The following QRFPR variants were observed in gnomAD, a reference collection of about 807,000 sequenced individuals.
QRFPR encodes pyroglutamylated RF-amide peptide receptor.
A neutral mutation model predicts 31.3 loss-of-function variants in QRFPR; 37 were observed. That is an observed-to-expected ratio of 1.18 (90% CI 0.91 to 1.56). The LOEUF is 1.56. QRFPR is among the 40% of genes most tolerant of loss of function. The pLI is 0.00. For synonymous variants in QRFPR, 197 were observed against 192.0 expected (o/e 1.03, Z -0.22); for missense variants, 542 against 532.5 (o/e 1.02, Z -0.18).
chr4:121,341,439 C>G (rs1725541663), intron 1 of QRFPR, among the ~76,000 whole-genome samples: 1 of 152,144 alleles, frequency 6.6e-6, no homozygotes. Flanking sequence ...CAGAAATTCT[C>G]TCTTCAACTT....
At chr4:121,332,257 T>G (rs1417144580) in intron 4 of QRFPR, among the ~76,000 whole-genome samples, 2 of 152,228 alleles carry the variant, frequency 1.3e-5, no homozygotes, top group East Asian at 3.8e-4. Context: ...AGTCATGTTT[T>G]AAAATTTCTA....
chr4:121,345,556 G>A (rs1483170211), intron 1 of QRFPR, among the ~76,000 whole-genome samples: 3 of 152,144 alleles, frequency 2.0e-5, no homozygotes, highest in African/African-American at 4.8e-5. Flanking sequence ...TATAAGATTA[G>A]ACAGTCCCCA....
At chr4:121,368,635 G>T (rs902728251) in intron 1 of QRFPR, among the ~76,000 whole-genome samples, 1 of 149,938 alleles carries the variant, frequency 6.7e-6, no homozygotes, top group Non-Finnish European at 1.5e-5. Flanking sequence ...CCTATACCCA[G>T]GTCCCAAACA....
chr4:121,329,656 T>A lies in QRFPR; in HGVS notation c.954A>T (p.Gln318His), dbSNP rs1560731156. ...AGATGGAGTTGGAAAATCCAATAATTTGCACGATAGCAAAAATCATCTTGA... is the reference window on the plus strand; with the variant it reads ...AGATGGAGTTGGAAAATCCAATAATATGCACGATAGCAAAAATCATCTTGA... ...VTIKMIFAIV[Q>H]IIGFSNSICN... Residue 318 changes from glutamine to histidine, a missense_variant, in exon 6 of 6, where the codon CAA (glutamine) becomes CAT (histidine). Physicochemically the swap from Gln to His is conservative, Grantham distance 24. Transcript: ENST00000394427. The A allele has an allele frequency of 6.3e-7, 1 of 1,585,842 alleles. No homozygotes were observed. Among genetic ancestry groups the A allele is most frequent in the Non-Finnish European group, 8.6e-7 (1 of 1,166,958 alleles).
At chr4:121,379,464 T>C (rs1726425617) in intron 1 of QRFPR, among the ~76,000 whole-genome samples, 1 of 152,226 alleles carries the variant, frequency 6.6e-6, no homozygotes, top group South Asian at 2.1e-4. Flanking sequence ...CCTTAAGCAC[T>C]GGTGAGAATA....
In QRFPR at chr4:121,330,522, T is replaced by C. The variant is rs1160949693; in HGVS notation, c.799A>G (p.Lys267Glu). The C allele has an allele frequency of 2.2e-5, 36 of 1,612,506 alleles. No homozygotes were observed. The highest frequency in any genetic ancestry group is 3.0e-5 in the Non-Finnish European group (35 of 1,178,704). Residue 267 changes from lysine (K) to glutamate (E), a missense_variant and splice_region_variant, in exon 5 of 6, where the codon AAG becomes GAG. Coordinates refer to ENST00000394427, the MANE Select transcript of QRFPR (RefSeq NM_198179.3). ...HGKEMSKIAR[K>E]KKRAVIMMVT... is the part of the protein sequence containing the mutation. ...ATCATAATGACAGCTCGTTTCTTCT[T>C]CCTAAACCCACAAGGAAACATTGTA...
At chr4:121,380,200 A>AGG (rs1726453026) in intron 1 of QRFPR, 108 bp downstream of exon 1, 4 of 169,996 alleles carry the variant, frequency 2.4e-5, no homozygotes, top group South Asian at 6.9e-5. Flanking sequence ...AGAGAGAGAG[A>AGG]GAGAGAGAGA....
Position 121,336,873 on chromosome 4 carries a change from A to G in QRFPR, c.500-5T>C, listed in dbSNP as rs756043256. On this transcript the variant is annotated splice_region_variant and splice_polypyrimidine_tract_variant and intron_variant, in intron 2 of 5. Coordinates refer to ENST00000394427, the MANE Select transcript of QRFPR (RefSeq NM_198179.3). ...CTGCCACCAGCCAGACCACACCTGT[A>G]AAAGTGTTAAAGTCATGAGAGTATG... 3.1e-6 allele frequency: 5 copies of G among 1,613,730 alleles called. No homozygotes were observed. In the Admixed American group the frequency reaches 8.3e-5, roughly 27 times the overall value.
chr4:121,330,629 T>C, intron 4 of QRFPR, 106 bp from the exon 5 acceptor site: 2 of 780,288 alleles, frequency 2.6e-6, no homozygotes, highest in Non-Finnish European at 4.3e-6. Flanking sequence ...AAACATAATT[T>C]TTAAATTAAG....
At chr4:121,330,653 A>G (rs1348159057) in intron 4 of QRFPR, 130 bp from the exon 5 acceptor site, 5 of 642,038 alleles carry the variant, frequency 7.8e-6, no homozygotes, top group Admixed American at 2.6e-5. Flanking sequence ...ACGATAGGTT[A>G]TTCGTGGGCT....
chr4:121,380,323 C>A lies in QRFPR; in HGVS notation c.325G>T (p.Asp109Tyr). The change falls in exon 1 of 6, where the codon GAC becomes TAC. Residue 109 changes from aspartate to tyrosine, a missense_variant. Coordinates refer to ENST00000394427, the MANE Select transcript of QRFPR (RefSeq NM_198179.3). ...CGACTCTTACCCCCCAGCCAGTTGTCGGAAATGTTCTGGAGCATGGTGACG... is the reference window on the plus strand; with the variant it reads ...CGACTCTTACCCCCCAGCCAGTTGTAGGAAATGTTCTGGAGCATGGTGACG... The part of the protein sequence containing the change: ...IPVTMLQNIS[D>Y]NWLGGAFICK... 1.2e-6 allele frequency: 2 copies of A among 1,612,172 alleles called. No homozygotes were observed. Among genetic ancestry groups the A allele is most frequent in the African/African-American group, 2.7e-5 (2 of 74,710 alleles).
intron 1 of QRFPR, among the ~76,000 whole-genome samples, chr4:121,357,519 C>T (rs1024767395): frequency 6.6e-6 from 1 of 152,180 alleles, no homozygotes; most frequent in Non-Finnish European, 1.5e-5. Context: ...CGCTCAAAGG[C>T]AGATATTCAG....
At chr4:121,369,991 T>C (rs1454553478) in intron 1 of QRFPR, 6 of 766,134 alleles carry the variant, frequency 7.8e-6, no homozygotes, top group Middle Eastern at 3.6e-4. Context: ...CCCAAAATGC[T>C]GAAAGCTTTC....
intron 1 of QRFPR, among the ~76,000 whole-genome samples, chr4:121,375,618 T>C (rs894300603): frequency 6.6e-5 from 10 of 152,324 alleles, no homozygotes; most frequent in Middle Eastern, 3.4e-3. Flanking sequence ...TGAAAGACCA[T>C]GGCTTATGAT....
intron 4 of QRFPR, among the ~76,000 whole-genome samples, chr4:121,332,306 A>G (rs1725342448): frequency 6.6e-6 from 1 of 152,224 alleles, no homozygotes; most frequent in African/African-American, 2.4e-5. Context: ...CTTAGGTAAA[A>G]ATAACTCAAT....
intron 1 of QRFPR, among the ~76,000 whole-genome samples, chr4:121,358,451 A>G (rs1263923858): frequency 1.3e-5 from 2 of 152,194 alleles, no homozygotes; most frequent in Non-Finnish European, 1.5e-5. Context: ...CAAGCATACC[A>G]TTGGCTATCT....
At chr4:121,333,955 C>G (rs749152755) in intron 3 of QRFPR, among the ~76,000 whole-genome samples, 15 of 152,164 alleles carry the variant, frequency 9.9e-5, no homozygotes, top group African/African-American at 3.6e-4. Context: ...GAATGAGGGA[C>G]AGCAACTTTT....
intron 1 of QRFPR, among the ~76,000 whole-genome samples, chr4:121,375,641 C>A (rs556767863): frequency 6.6e-6 from 1 of 152,304 alleles, no homozygotes; most frequent in African/African-American, 2.4e-5. Context: ...TGATTAGATA[C>A]TATTTCAGAA....
In QRFPR at chr4:121,365,478, T is replaced by A. The variant is rs1466288996; in HGVS notation, c.340+14830A>T. 2.0e-3 allele frequency among the ~76,000 whole-genome samples: 154 copies of A among 76,094 alleles called. 7 individuals are homozygous for A. Among genetic ancestry groups the A allele is most frequent in the African/African-American group, 3.7e-3 (66 of 17,924 alleles). The allele number at this position is 76,094 out of a possible 152,430, so 49.9% of individuals were successfully genotyped here. Reference sequence around the variant, plus strand: ...CAAAAATAATAATAAATAAATTAATTAATTAATTAAATTATATATATAATA... The same window carrying A: ...CAAAAATAATAATAAATAAATTAATAAATTAATTAAATTATATATATAATA... On this transcript the variant is annotated intron_variant, in intron 1 of 5. Coordinates refer to ENST00000394427, the MANE Select transcript of QRFPR (RefSeq NM_198179.3).
Sources: gnomAD v4.1 joint callset for allele counts (sites outside exome capture counted in the v4.1 genomes callset) on GRCh38, gnomAD v4.1.1 for gene constraint, MANE v1.5 for transcripts, NCBI Gene and HGNC (gene_info 2026-07-23, HGNC 2026-07-21) for gene names.